ZNF608: variants seen among roughly 807,000 people sequenced by gnomAD.
The protein encoded by ZNF608 is renal carcinoma antigen NY-REN-36.
Under a neutral mutation model 109.0 loss-of-function variants are expected in ZNF608, and 12 were observed. The ratio of observed to expected loss-of-function variants is 0.11; its 90% CI spans 0.07 to 0.18. The LOEUF (loss-of-function observed/expected upper bound fraction) is 0.18. ZNF608 is among the 10% of genes least tolerant of loss of function. The pLI is 1.00. For missense variants in ZNF608, 1,707 were observed against 1,879.3 expected, an observed-to-expected ratio of 0.91 and a Z score of 1.70; for synonymous variants, 732 against 717.4, an observed-to-expected ratio of 1.02 and a Z score of -0.33.
chr5:124,646,766 G>C lies in ZNF608; in HGVS notation c.3618C>G (p.His1206Gln), dbSNP rs1199838208. ...DSFKAKQMEN[H>Q]QLIKEAVEMK... ...TTTCTACAGCCTCCTTAATAAGCTG[G>C]TGGTTTTCCATCTGCTTAGCTTTGA... The change falls in exon 5 of 10, where the codon CAC (histidine) becomes CAG (glutamine). Residue 1206 changes from histidine (H) to glutamine (Q), a missense_variant. This residue lies in a region of ZNF608 where 1,073 missense variants were observed against 1,133.5 expected (regional missense o/e 0.95). Transcript: ENST00000513986. The C allele has an allele frequency of 1.9e-6, 3 of 1,614,096 alleles. No individual in the cohort carries two copies. Among genetic ancestry groups the C allele is most frequent in the Admixed American group, 3.3e-5 (2 of 60,010 alleles).
chr5:124,741,273 C>T (rs1006538651), intron 2 of ZNF608, among the ~76,000 whole-genome samples: 14 of 151,692 alleles, frequency 9.2e-5, no homozygotes, highest in African/African-American at 3.1e-4. Context: ...TCATGTTTTA[C>T]ATGACTTTGT....
intron 3 of ZNF608, among the ~76,000 whole-genome samples, chr5:124,655,618 A>G (rs886118083): frequency 1.3e-5 from 2 of 152,252 alleles, no homozygotes; most frequent in East Asian, 3.8e-4. Context: ...AAATGTCACA[A>G]TATGCTGATT....
intron 3 of ZNF608, among the ~76,000 whole-genome samples, chr5:124,695,487 G>T (rs966981923): frequency 2.0e-5 from 3 of 152,174 alleles, no homozygotes; most frequent in African/African-American, 4.8e-5. Flanking sequence ...TTAGCTTGAG[G>T]CTGAGTGAGA....
intron 3 of ZNF608, among the ~76,000 whole-genome samples, chr5:124,665,181 A>C (rs10478636): frequency 0.26 from 27,704 of 105,664 alleles, 2,994 homozygotes; most frequent in East Asian, 0.5. Context: ...ACCTCCCCCC[A>C]AAAAAAAAAA....
intron 3 of ZNF608, among the ~76,000 whole-genome samples, chr5:124,690,966 G>C (rs1269966511): frequency 3.1e-5 from 4 of 129,530 alleles, no homozygotes; most frequent in Admixed American, 7.5e-5. Flanking sequence ...TAATGGAAAA[G>C]TGTGCAAAAT....
chr5:124,717,551 A>G (rs993361518), intron 2 of ZNF608, among the ~76,000 whole-genome samples: 2 of 152,254 alleles, frequency 1.3e-5, no homozygotes, highest in East Asian at 3.8e-4. Context: ...CTAATATTTG[A>G]TCTCAAAAAT....
At chr5:124,640,600 G>A (rs903780693) in intron 8 of ZNF608, among the ~76,000 whole-genome samples, 14 of 152,200 alleles carry the variant, frequency 9.2e-5, no homozygotes, top group Admixed American at 9.2e-4. Flanking sequence ...TGGTATTCTA[G>A]CAAGTTGTAA....
At chr5:124,701,546 G>A (rs1285797388) in intron 2 of ZNF608, among the ~76,000 whole-genome samples, 1 of 152,162 alleles carries the variant, frequency 6.6e-6, no homozygotes, top group African/African-American at 2.4e-5. Context: ...TTGGACAACC[G>A]TTAGCCTCAG....
rs147012938 is a variant in ZNF608 at position 124,668,254 on chromosome 5, C to T, written c.1163-18557G>A. Among the ~76,000 whole-genome samples, 549 of 143,480 alleles carry T rather than the reference C, an allele frequency of 3.8e-3. 4 individuals carry two copies. The highest frequency in any genetic ancestry group is 0.012 in the African/African-American group (477 of 38,782). 94.1% of individuals were successfully genotyped at this position (143,480 alleles called of 152,430 possible). ...ATATTTTATATATATCTATATATAC[C>T]GCAGGATGTAGTGGCTTGCACCTAT... On this transcript the variant is annotated intron_variant, in intron 3 of 9. Transcript: ENST00000513986.
intron 8 of ZNF608, among the ~76,000 whole-genome samples, chr5:124,639,808 G>A (rs1477804540): frequency 6.6e-6 from 1 of 152,032 alleles, no homozygotes; most frequent in East Asian, 1.9e-4. Flanking sequence ...GACAGTCCTG[G>A]GGAAAAATAG....
intron 5 of ZNF608, among the ~76,000 whole-genome samples, 185 bp from the exon 6 acceptor site, chr5:124,644,846 C>A (rs1395231807): frequency 1.3e-5 from 2 of 152,108 alleles, no homozygotes; most frequent in Non-Finnish European, 2.9e-5. Context: ...GTAATAATGT[C>A]CCAGGTAGGC....
intron 3 of ZNF608, among the ~76,000 whole-genome samples, chr5:124,654,664 A>G (rs1020717210): frequency 6.6e-6 from 1 of 152,126 alleles, no homozygotes; most frequent in South Asian, 2.1e-4. Context: ...CAGCCTCCCT[A>G]TCAGTCCGAT....
chr5:124,642,536 T>C (rs1042502676), intron 7 of ZNF608, among the ~76,000 whole-genome samples: 22 of 152,050 alleles, frequency 1.4e-4, no homozygotes, highest in African/African-American at 5.3e-4. Flanking sequence ...CTCAAATCTC[T>C]CCAGAAGTCA....
In ZNF608 at chr5:124,745,188, G is replaced by T; in HGVS notation, c.-183-16C>A. On this transcript the variant is annotated splice_polypyrimidine_tract_variant and intron_variant, in intron 1 of 9. Transcript: ENST00000513986. ...CCACCTTTTCCTGTGAAGGGGGGGG[G>T]AAAAGTCGAATATTTCTTGTCTGGG... 7.3e-7 allele frequency: 1 copy of T among 1,366,280 alleles called. No homozygotes were observed. Among genetic ancestry groups the T allele is most frequent in the South Asian group, 1.8e-5 (1 of 54,614 alleles). 84.6% of individuals were successfully genotyped at this position (1,366,280 alleles called of 1,614,324 possible).
At chr5:124,661,047 T>G (rs958868179) in intron 3 of ZNF608, among the ~76,000 whole-genome samples, 7 of 152,242 alleles carry the variant, frequency 4.6e-5, no homozygotes, top group African/African-American at 1.7e-4. Context: ...GGGACTTCTT[T>G]TATTATTTCT....
At chr5:124,665,374 C>T (rs1166795002) in intron 3 of ZNF608, among the ~76,000 whole-genome samples, 1 of 152,180 alleles carries the variant, frequency 6.6e-6, no homozygotes, top group East Asian at 1.9e-4. Flanking sequence ...GCTGAACTGC[C>T]ATGCTTCAAT....
At chr5:124,736,934 G>T (rs186509879) in intron 2 of ZNF608, among the ~76,000 whole-genome samples, 31 of 152,334 alleles carry the variant, frequency 2.0e-4, no homozygotes, top group African/African-American at 6.3e-4. Flanking sequence ...ACTGGTAGAA[G>T]ATCAGTGCAA....
At chr5:124,722,558 A>G (rs1263849515) in intron 2 of ZNF608, among the ~76,000 whole-genome samples, 2 of 148,182 alleles carry the variant, frequency 1.3e-5, no homozygotes, top group African/African-American at 5.0e-5. Context: ...TGATTTTTCT[A>G]TAAATAAACC....
chr5:124,730,383 G>A (rs915739713), intron 2 of ZNF608, among the ~76,000 whole-genome samples: 7 of 152,178 alleles, frequency 4.6e-5, no homozygotes, highest in East Asian at 1.9e-4. Flanking sequence ...GTGATTTCGT[G>A]TTGTCATCCA....
Sources: gnomAD v4.1 joint callset for allele counts (sites outside exome capture counted in the v4.1 genomes callset) on GRCh38, gnomAD v4.1.1 for gene constraint, gnomAD v4.1.1 regional missense constraint, MANE v1.5 for transcripts, NCBI Gene and HGNC (gene_info 2026-07-23, HGNC 2026-07-21) for gene names.